CNTNAP2: variants seen among roughly 807,000 people sequenced by gnomAD.
CNTNAP2 encodes contactin-associated protein-like 2.
Under a neutral mutation model 155.2 loss-of-function variants are expected in CNTNAP2, and 98 were observed. The observed-to-expected ratio is 0.63, with a 90% CI of 0.54 to 0.75. The LOEUF (loss-of-function observed/expected upper bound fraction) is 0.75, where lower values mean the gene tolerates loss of function less well. Among genes scored for constraint, CNTNAP2 ranks in the 30% least tolerant of loss-of-function variants. CNTNAP2 has a pLI of 0.00. For synonymous variants in CNTNAP2, 651 were observed against 631.2 expected, an observed-to-expected ratio of 1.03 and a Z score of -0.47; for missense variants, 1,727 against 1,688.1, an observed-to-expected ratio of 1.02 and a Z score of -0.40.
intron 1 of CNTNAP2, among the ~76,000 whole-genome samples, chr7:146,696,379 T>C (rs931411650): frequency 6.6e-6 from 1 of 152,174 alleles, no homozygotes; most frequent in African/African-American, 2.4e-5. Flanking sequence ...TTACTCTTTT[T>C]CATTTCTGAT....
intron 12 of CNTNAP2, among the ~76,000 whole-genome samples, chr7:147,573,516 G>A (rs1800332596): frequency 6.6e-6 from 1 of 152,154 alleles, no homozygotes; most frequent in African/African-American, 2.4e-5. Flanking sequence ...CTAGGTTTCA[G>A]GGCTAGGACA....
intron 14 of CNTNAP2, among the ~76,000 whole-genome samples, chr7:147,961,803 A>C (rs1256196760): frequency 6.6e-6 from 1 of 152,154 alleles, no homozygotes; most frequent in Non-Finnish European, 1.5e-5. Context: ...TTATAATAAA[A>C]ATGCATGATT....
chr7:148,413,402 ATATATATATATATATATATAT>A (rs1335935150), intron 23 of CNTNAP2, among the ~76,000 whole-genome samples: 1,003 of 39,480 alleles, frequency 0.025, 283 homozygotes, highest in African/African-American at 0.091. Context: ...CAAAAAAAAA[ATATATATATATATATATATAT>A]ATATATATAT....
intron 1 of CNTNAP2, among the ~76,000 whole-genome samples, chr7:146,669,264 G>C (rs978900561): frequency 1.3e-4 from 20 of 152,074 alleles, no homozygotes; most frequent in African/African-American, 4.8e-4. Context: ...CAGGCAGTAA[G>C]CCCACCTTCT....
At chr7:146,804,088 C>A (rs536939843) in intron 2 of CNTNAP2, among the ~76,000 whole-genome samples, 2 of 152,018 alleles carry the variant, frequency 1.3e-5, no homozygotes, top group African/African-American at 4.8e-5. Context: ...CTGCCTACAC[C>A]TTGTGACTAC....
At chr7:147,070,393 T>C (rs1424669475) in intron 4 of CNTNAP2, among the ~76,000 whole-genome samples, 1 of 152,128 alleles carries the variant, frequency 6.6e-6, no homozygotes, top group Non-Finnish European at 1.5e-5. Flanking sequence ...AAACCACATA[T>C]GGTTAGCTCA....
At chr7:146,876,259 A>G (rs1168375344) in intron 3 of CNTNAP2, among the ~76,000 whole-genome samples, 1 of 152,068 alleles carries the variant, frequency 6.6e-6, no homozygotes, top group Non-Finnish European at 1.5e-5. Flanking sequence ...GCAGACACTG[A>G]AGGTCATATT....
At chr7:147,881,879 G>C (rs1275821654) in intron 13 of CNTNAP2, among the ~76,000 whole-genome samples, 1 of 152,080 alleles carries the variant, frequency 6.6e-6, no homozygotes, top group African/African-American at 2.4e-5. Context: ...GGCTGAGGTA[G>C]GAGCATCGCT....
intron 15 of CNTNAP2, among the ~76,000 whole-genome samples, chr7:148,094,823 A>T (rs1803927728): frequency 6.6e-6 from 1 of 152,202 alleles, no homozygotes; most frequent in South Asian, 2.1e-4. Context: ...GCACGTTCTG[A>T]TAGAATTTTG....
chr7:147,210,795 A>G (rs1803130466), intron 8 of CNTNAP2, among the ~76,000 whole-genome samples: 2 of 151,946 alleles, frequency 1.3e-5, no homozygotes, highest in Admixed American at 6.6e-5. Flanking sequence ...TATTTTTTAA[A>G]AATGTATTAA....
intron 1 of CNTNAP2, among the ~76,000 whole-genome samples, chr7:146,337,272 C>G (rs1473215431): frequency 3.3e-5 from 5 of 150,846 alleles, no homozygotes; most frequent in African/African-American, 1.2e-4. Context: ...CTTAGTGTCT[C>G]CATGATTTTA....
chr7:147,015,008 G>A (rs1798694340), intron 3 of CNTNAP2, among the ~76,000 whole-genome samples: 2 of 151,468 alleles, frequency 1.3e-5, no homozygotes, highest in Non-Finnish European at 2.9e-5. Context: ...TAAACGCTAA[G>A]GAATTAATTT....
chr7:147,688,034 A>G (rs1246630537), intron 13 of CNTNAP2, among the ~76,000 whole-genome samples: 1 of 152,188 alleles, frequency 6.6e-6, no homozygotes, highest in Non-Finnish European at 1.5e-5. Context: ...GACGGAATCT[A>G]TGCTTCATTG....
chr7:146,317,866 G>C (rs1800935043), intron 1 of CNTNAP2, among the ~76,000 whole-genome samples: 1 of 152,224 alleles, frequency 6.6e-6, no homozygotes, highest in Non-Finnish European at 1.5e-5. Flanking sequence ...AATTGGCCGG[G>C]CATGGCGGCT....
At chr7:146,919,862 C>A (rs1313924293) in intron 3 of CNTNAP2, among the ~76,000 whole-genome samples, 1 of 152,082 alleles carries the variant, frequency 6.6e-6, no homozygotes, top group Non-Finnish European at 1.5e-5. Flanking sequence ...CTGGTATGTT[C>A]CTGCAGTAGT....
intron 1 of CNTNAP2, among the ~76,000 whole-genome samples, chr7:146,569,388 T>C (rs963206093): frequency 6.6e-6 from 1 of 152,244 alleles, no homozygotes; most frequent in Non-Finnish European, 1.5e-5. Context: ...ACCATGGGAA[T>C]CTTTCTGTTT....
chr7:146,950,609 C>A (rs531856056), intron 3 of CNTNAP2, among the ~76,000 whole-genome samples: 222 of 152,256 alleles, frequency 1.5e-3, no homozygotes, highest in African/African-American at 4.9e-3. Flanking sequence ...CATGTCCCTG[C>A]AAAGGACATG....
At chr7:146,759,391 T>C (rs1305485771) in intron 1 of CNTNAP2, among the ~76,000 whole-genome samples, 1 of 151,956 alleles carries the variant, frequency 6.6e-6, no homozygotes, top group Admixed American at 6.6e-5. Flanking sequence ...ATGAACAGAT[T>C]ATATTTTTTA....
chr7:147,110,645 A>C (rs1421419766), intron 5 of CNTNAP2, among the ~76,000 whole-genome samples: 1 of 152,102 alleles, frequency 6.6e-6, no homozygotes, highest in African/African-American at 2.4e-5. Flanking sequence ...CTGTTCCTGC[A>C]TTAGTTTGCT....
Sources: gnomAD v4.1 joint callset for allele counts (sites outside exome capture counted in the v4.1 genomes callset) on GRCh38, gnomAD v4.1.1 for gene constraint, MANE v1.5 for transcripts, NCBI Gene and HGNC (gene_info 2026-07-23, HGNC 2026-07-21) for gene names.